MLIP: variants seen among roughly 807,000 people sequenced by gnomAD.
MLIP encodes the protein muscular LMNA-interacting protein.
MLIP carries 79 observed loss-of-function variants against 84.8 expected under a neutral mutation model. The observed-to-expected ratio is 0.93, with a 90% confidence interval of 0.78 to 1.12. The LOEUF (loss-of-function observed/expected upper bound fraction) is 1.12, where lower values mean the gene tolerates loss of function less well. MLIP is among the 50% of genes most tolerant of loss of function. MLIP has a pLI of 0.00. For missense variants in MLIP, 1,257 were observed against 1,160.6 expected (o/e 1.08, Z -1.21); for synonymous variants, 504 against 463.0 (o/e 1.09, Z -1.14).
At chr6:54,093,112 G>A (rs1385755147) in intron 1 of MLIP, among the ~76,000 whole-genome samples, 2 of 151,958 alleles carry the variant, frequency 1.3e-5, no homozygotes, top group African/African-American at 4.8e-5. Flanking sequence ...CTGAACCTTA[G>A]GTGATCTGCC....
chr6:54,042,877 T>A (rs1239266518), intron 1 of MLIP, among the ~76,000 whole-genome samples: 1 of 152,186 alleles, frequency 6.6e-6, no homozygotes, highest in African/African-American at 2.4e-5. Context: ...ACCATCATTA[T>A]CATCATCGTC....
At chr6:54,062,002 G>T (rs566263057) in intron 1 of MLIP, among the ~76,000 whole-genome samples, 2 of 152,114 alleles carry the variant, frequency 1.3e-5, no homozygotes, top group South Asian at 4.1e-4. Context: ...CCCTCTACAC[G>T]TTTTAAAAAT....
intron 9 of MLIP, among the ~76,000 whole-genome samples, chr6:54,183,742 A>AAT (rs1450445307): frequency 1.2e-5 from 1 of 86,764 alleles, no homozygotes; most frequent in Non-Finnish European, 2.5e-5. Flanking sequence ...AGACAGGGTA[A>AAT]GTTTTTTTTT....
At chr6:54,142,917 AC>A (rs944188304) in intron 4 of MLIP, among the ~76,000 whole-genome samples, 12 of 149,950 alleles carry the variant, frequency 8.0e-5, no homozygotes, top group African/African-American at 2.5e-4. Flanking sequence ...AACAACAACA[AC>A]AAAAAAAAAA....
At position 54,137,454 on chromosome 6, in the gene MLIP, C is replaced by A; in HGVS notation, c.1385C>A (p.Pro462His). Residue 462 changes from proline to histidine, a missense_variant, in exon 4 of 14, where the codon CCT becomes CAT. Pro to His is a moderately conservative substitution (Grantham distance 77). Transcript: ENST00000502396. ...AAAGAAAAGCAGACCCCACCCACGC[C>A]TAAAAAATCTCTCTCAAGTTGTTCC... ...DQKEKQTPPT[P>H]KKSLSSCSLR... The A allele has an allele frequency of 6.5e-7, 1 of 1,536,052 alleles. No individual in the cohort carries two copies. Among genetic ancestry groups the A allele is most frequent in the Non-Finnish European group, 8.7e-7 (1 of 1,146,868 alleles).
chr6:54,096,180 T>A (rs148931010), intron 1 of MLIP, among the ~76,000 whole-genome samples: 1 of 152,190 alleles, frequency 6.6e-6, no homozygotes, highest in South Asian at 2.1e-4. Flanking sequence ...TACTTGGAAC[T>A]TTTTAAGACC....
intron 1 of MLIP, among the ~76,000 whole-genome samples, chr6:54,055,045 G>A (rs1417291640): frequency 6.6e-6 from 1 of 151,920 alleles, no homozygotes; most frequent in Non-Finnish European, 1.5e-5. Context: ...CCGCCACCAC[G>A]CCCAGCTATT....
intron 2 of MLIP, among the ~76,000 whole-genome samples, chr6:54,122,403 A>G (rs1446489557): frequency 6.6e-6 from 1 of 152,176 alleles, no homozygotes; most frequent in East Asian, 1.9e-4. Flanking sequence ...AAATTTAAAA[A>G]TCTTGAAAAT....
At chr6:54,057,651 T>C (rs547784211) in intron 1 of MLIP, among the ~76,000 whole-genome samples, 6 of 152,334 alleles carry the variant, frequency 3.9e-5, no homozygotes, top group African/African-American at 1.4e-4. Context: ...CGTCCAGTCA[T>C]GGCAAGTCCA....
chr6:54,174,025 A>G (rs926470541), intron 9 of MLIP, among the ~76,000 whole-genome samples: 10 of 151,938 alleles, frequency 6.6e-5, no homozygotes, highest in Non-Finnish European at 1.3e-4. Flanking sequence ...CATTTAACAT[A>G]ATGACCTCCA....
chr6:54,251,908 TATA>T (rs1782577272), intron 12 of MLIP, among the ~76,000 whole-genome samples: 1 of 72,588 alleles, frequency 1.4e-5, no homozygotes, highest in Non-Finnish European at 2.1e-5. Flanking sequence ...TATTATAACA[TATA>T]ATATATAATA....
intron 1 of MLIP, chr6:54,045,882 T>A (rs2150309628): frequency 6.6e-6 from 1 of 152,310 alleles, no homozygotes; most frequent in East Asian, 1.9e-4. Flanking sequence ...CAGTCTCAGG[T>A]AGTTATTTAT....
chr6:54,198,163 C>A (rs1021595350), intron 10 of MLIP, among the ~76,000 whole-genome samples: 1 of 152,050 alleles, frequency 6.6e-6, no homozygotes, highest in African/African-American at 2.4e-5. Flanking sequence ...GTACATGAAT[C>A]GCTTAGGGAT....
intron 9 of MLIP, among the ~76,000 whole-genome samples, chr6:54,172,432 T>C (rs558015421): frequency 2.6e-4 from 39 of 151,574 alleles, no homozygotes; most frequent in Non-Finnish European, 5.2e-4. Flanking sequence ...GTGAACACAA[T>C]GACAGTATGC....
In MLIP at chr6:54,217,834, G is replaced by T; in HGVS notation, c.2719-12880G>T. The T allele has an allele frequency of 3.0e-6, 3 of 985,190 alleles. No homozygotes were observed. In the South Asian group the frequency reaches 1.4e-4, roughly 46 times the overall value. 61.0% of individuals were successfully genotyped at this position (985,190 alleles called of 1,614,324 possible). On this transcript the variant is annotated intron_variant, in intron 11 of 13. Transcript: ENST00000502396. The stretch of plus-strand genomic sequence containing the variant: ...TCCCTCAAAAACTAAAACATTAAAA[G>T]ATTCATATATTGCATGCTAAAGCAG...
chr6:54,212,605 T>C (rs1779539900), intron 11 of MLIP, among the ~76,000 whole-genome samples: 2 of 152,176 alleles, frequency 1.3e-5, no homozygotes, highest in East Asian at 3.9e-4. Context: ...GCAATTTGGA[T>C]AGAGCAATTT....
intron 1 of MLIP, among the ~76,000 whole-genome samples, chr6:54,102,942 C>G (rs991141354): frequency 6.6e-6 from 1 of 152,048 alleles, no homozygotes; most frequent in Non-Finnish European, 1.5e-5. Context: ...ACCCATGGAG[C>G]CAGGGAAGCC....
At chr6:54,120,419 AAT>A (rs1770344884) in intron 1 of MLIP, among the ~76,000 whole-genome samples, 2 of 151,488 alleles carry the variant, frequency 1.3e-5, no homozygotes, top group Non-Finnish European at 2.9e-5. Context: ...TTGTATTTTT[AAT>A]AGAGATGGGG....
chr6:54,247,629 C>T (rs940775306), intron 12 of MLIP, among the ~76,000 whole-genome samples: 2 of 152,104 alleles, frequency 1.3e-5, no homozygotes, highest in African/African-American at 4.8e-5. Context: ...TGAAATAATG[C>T]ATAGGAAGGT....
Sources: gnomAD v4.1 joint callset for allele counts (sites outside exome capture counted in the v4.1 genomes callset) on GRCh38, gnomAD v4.1.1 for gene constraint, MANE v1.5 for transcripts, NCBI Gene and HGNC (gene_info 2026-07-23, HGNC 2026-07-21) for gene names.